Variants in COBL observed in about 807,000 individuals in gnomAD.
COBL encodes the protein protein cordon-bleu.
In COBL, 51 loss-of-function variants were observed where a neutral mutation model predicts 98.8. The ratio of observed to expected loss-of-function variants is 0.52; its 90% CI spans 0.41 to 0.65. COBL has a LOEUF of 0.65. Among genes scored for constraint, COBL ranks in the 30% least tolerant of loss-of-function variants. COBL has a pLI of 0.00. For synonymous variants in COBL, 634 were observed against 651.7 expected, an observed-to-expected ratio of 0.97 and a Z score of 0.41; for missense variants, 1,617 against 1,617.5, an observed-to-expected ratio of 1.00 and a Z score of 0.01.
At position 51,029,143 on chromosome 7, in the gene COBL, C is replaced by T; in HGVS notation, c.1953G>A (p.Val651=). The T allele has an allele frequency of 6.2e-6, 10 of 1,614,192 alleles. No homozygotes were observed. Among genetic ancestry groups the T allele is most frequent in the Non-Finnish European group, 7.6e-6 (9 of 1,180,042 alleles). Residue 651 remains valine, a synonymous_variant, in exon 10 of 13, where the codon GTG becomes GTA. Coordinates refer to ENST00000265136, the MANE Select transcript of COBL (RefSeq NM_015198.5). ...TCCTCTCCCCGTCAGCACAGCCATA[C>T]ACTTTGTCTTTCACTTTTGCATTTA... ...DNLNAKVKDK[V]YGCADGERTQ...
chr7:51,127,319 C>G (rs1798307132), intron 6 of COBL, among the ~76,000 whole-genome samples: 1 of 152,218 alleles, frequency 6.6e-6, no homozygotes, highest in Non-Finnish European at 1.5e-5. Flanking sequence ...ACTGATGTGA[C>G]AGACACCCAA....
rs147549842 is a variant in COBL, at chr7:51,272,704, C to G, written c.41+43889G>C. 1.0e-3 allele frequency among the ~76,000 whole-genome samples: 154 copies of G among 152,232 alleles called. 2 individuals carry two copies. The East Asian group carries it at 0.021, about 21-fold the overall frequency. ...GGCAAAGGGTTGCACAAATTGGACA[C>G]ACAGGGCCTGAGGCATTTCTTCAAA... On this transcript the variant is annotated intron_variant, in intron 1 of 12. Coordinates refer to ENST00000265136, the MANE Select transcript of COBL (RefSeq NM_015198.5).
intron 1 of COBL, among the ~76,000 whole-genome samples, chr7:51,243,345 G>C (rs958340774): frequency 6.6e-6 from 1 of 152,298 alleles, no homozygotes; most frequent in East Asian, 1.9e-4. Flanking sequence ...CTGTACCTCC[G>C]GTTCCAGTGG....
intron 5 of COBL, among the ~76,000 whole-genome samples, chr7:51,140,788 G>T (rs1799664966): frequency 1.3e-5 from 2 of 152,136 alleles, no homozygotes; most frequent in Admixed American, 6.5e-5. Context: ...TACTTTCAGG[G>T]CTCACAGGTA....
chr7:51,085,633 A>T (rs1794166485), intron 6 of COBL, among the ~76,000 whole-genome samples: 2 of 152,190 alleles, frequency 1.3e-5, no homozygotes, highest in African/African-American at 4.8e-5. Flanking sequence ...CCTGTCACAC[A>T]AGAGAATGAG....
chr7:51,069,179 G>A (rs554864997), intron 7 of COBL, among the ~76,000 whole-genome samples: 202 of 152,200 alleles, frequency 1.3e-3, no homozygotes, highest in Non-Finnish European at 2.2e-3. Context: ...GAGAGACCAG[G>A]TAGGAGAGAG....
intron 1 of COBL, among the ~76,000 whole-genome samples, chr7:51,276,892 T>C (rs779796147): frequency 1.5e-4 from 22 of 151,618 alleles, no homozygotes; most frequent in Non-Finnish European, 2.9e-4. Flanking sequence ...GGGAGAGGAG[T>C]CAGCTGAGGC....
At chr7:51,173,468 C>G (rs919037974) in intron 5 of COBL, among the ~76,000 whole-genome samples, 1 of 152,184 alleles carries the variant, frequency 6.6e-6, no homozygotes, top group Non-Finnish European at 1.5e-5. Flanking sequence ...CAGGTGTTGG[C>G]CACCGCTCCT....
At chr7:51,053,161 T>A (rs1790396176) in intron 7 of COBL, among the ~76,000 whole-genome samples, 1 of 152,238 alleles carries the variant, frequency 6.6e-6, no homozygotes, top group African/African-American at 2.4e-5. Context: ...TTATTTCCAA[T>A]CATTTAAAAT....
At chr7:51,058,896 G>C (rs572512250) in intron 7 of COBL, among the ~76,000 whole-genome samples, 1 of 152,322 alleles carries the variant, frequency 6.6e-6, no homozygotes, top group East Asian at 1.9e-4. Context: ...ATTATCCCAG[G>C]CCGGGGCTAC....
At chr7:51,201,896 T>C (rs932302705) in intron 2 of COBL, among the ~76,000 whole-genome samples, 41 of 152,360 alleles carry the variant, frequency 2.7e-4, no homozygotes, top group African/African-American at 9.6e-4. Flanking sequence ...GAAAATTTCA[T>C]AAATGAACAA....
At chr7:51,234,976 C>A (rs1795107694) in intron 1 of COBL, among the ~76,000 whole-genome samples, 1 of 152,116 alleles carries the variant, frequency 6.6e-6, no homozygotes, top group South Asian at 2.1e-4. Context: ...AAGACTTTAT[C>A]TCTGAGGCTA....
At chr7:51,248,869 T>C (rs1007493307) in intron 1 of COBL, among the ~76,000 whole-genome samples, 1 of 152,210 alleles carries the variant, frequency 6.6e-6, no homozygotes, top group African/African-American at 2.4e-5. Flanking sequence ...TCCCCAAAGC[T>C]ACAAAAGTAC....
At chr7:51,025,489 C>T in intron 11 of COBL, 117 bp from the exon 12 acceptor site, 1 of 1,046,972 alleles carries the variant, frequency 9.6e-7, no homozygotes, top group Non-Finnish European at 1.4e-6. Flanking sequence ...GTGACTAGGT[C>T]ATGAGGTGGA....
chr7:51,270,684 A>G (rs1798673888), intron 1 of COBL, among the ~76,000 whole-genome samples: 1 of 152,240 alleles, frequency 6.6e-6, no homozygotes, highest in Non-Finnish European at 1.5e-5. Context: ...AGGTGCTAAA[A>G]GGAGAAATAA....
At chr7:51,101,209 C>A (rs903334288) in intron 6 of COBL, among the ~76,000 whole-genome samples, 2 of 152,152 alleles carry the variant, frequency 1.3e-5, no homozygotes, top group Non-Finnish European at 2.9e-5. Context: ...AAATGTCTGG[C>A]AAAGTCAGAG....
chr7:51,046,822 G>A (rs1037249435), intron 7 of COBL, among the ~76,000 whole-genome samples: 5 of 152,118 alleles, frequency 3.3e-5, no homozygotes, highest in Admixed American at 1.3e-4. Flanking sequence ...GAAACCCAGG[G>A]GCAGCAGGAG....
intron 7 of COBL, among the ~76,000 whole-genome samples, chr7:51,057,315 T>C (rs1790858004): frequency 6.9e-6 from 1 of 144,762 alleles, no homozygotes; most frequent in Non-Finnish European, 1.5e-5. Context: ...TATATATATA[T>C]GCGTGCACGC....
At chr7:51,266,433 C>T (rs1401807742) in intron 1 of COBL, among the ~76,000 whole-genome samples, 2 of 152,128 alleles carry the variant, frequency 1.3e-5, no homozygotes, top group Non-Finnish European at 2.9e-5. Context: ...ACAAAATTAG[C>T]TGGGCATGGT....
Sources: allele counts gnomAD v4.1 joint callset (sites outside exome capture counted in the v4.1 genomes callset), GRCh38; gene constraint gnomAD v4.1.1; transcripts MANE v1.5; gene names NCBI Gene and HGNC (gene_info 2026-07-23, HGNC 2026-07-21).